TSHZ3: variants seen among roughly 807,000 people sequenced by gnomAD.
TSHZ3 encodes the protein teashirt zinc finger homeobox 3.
Under a neutral mutation model 64.5 loss-of-function variants are expected in TSHZ3, and 10 were observed. The observed-to-expected ratio is 0.16, with a 90% CI of 0.10 to 0.26. TSHZ3 has a LOEUF of 0.26. TSHZ3 is among the 10% of genes least tolerant of loss of function. The pLI, the probability that TSHZ3 is intolerant of heterozygous loss-of-function variation, is 1.00. For synonymous variants in TSHZ3, 608 were observed against 593.1 expected, an observed-to-expected ratio of 1.03 and a Z score of -0.36; for missense variants, 1,242 against 1,421.7, an observed-to-expected ratio of 0.87 and a Z score of 2.03.
chr19:31,319,700 A>G (rs758968796), intron 1 of TSHZ3, among the ~76,000 whole-genome samples: 3 of 152,202 alleles, frequency 2.0e-5, no homozygotes, highest in Non-Finnish European at 4.4e-5. Context: ...AATAACCACC[A>G]TGACAACGGT....
chr19:31,175,529 G>T (rs974064217), intron 5 of TSHZ3, among the ~76,000 whole-genome samples: 3 of 152,200 alleles, frequency 2.0e-5, no homozygotes, highest in Non-Finnish European at 4.4e-5. Context: ...AGAGGTTCTG[G>T]TAGAGTTGAG....
chr19:31,321,258 G>T (rs947030488), intron 1 of TSHZ3, among the ~76,000 whole-genome samples: 5 of 152,180 alleles, frequency 3.3e-5, no homozygotes, highest in Admixed American at 1.3e-4. Context: ...TAATGACAGT[G>T]CTGAGAAGGC....
At chr19:31,243,677 G>A (rs955390547) in intron 1 of TSHZ3, among the ~76,000 whole-genome samples, 1 of 152,116 alleles carries the variant, frequency 6.6e-6, no homozygotes, top group Non-Finnish European at 1.5e-5. Flanking sequence ...CGGGGGCTCC[G>A]TGCCTCCCCT....
At chr19:31,241,407 T>A (rs1202262691) in intron 3 of TSHZ3, among the ~76,000 whole-genome samples, 1 of 152,240 alleles carries the variant, frequency 6.6e-6, no homozygotes, top group Admixed American at 6.5e-5. Flanking sequence ...GCTCAAGAGA[T>A]CTCTTCACTC....
At chr19:31,199,400 C>CAAAAAAAAAAAAAAAAAAA (rs61428496) in intron 5 of TSHZ3, among the ~76,000 whole-genome samples, 1 of 98,594 alleles carries the variant, frequency 1.0e-5, no homozygotes, top group East Asian at 2.9e-4. Flanking sequence ...GAGACTCCGC[C>CAAAAAAAAAAAAAAAAAAA]AAAAAAAAAA....
At chr19:31,300,237 G>A (rs1230257902) in intron 1 of TSHZ3, among the ~76,000 whole-genome samples, 1 of 152,136 alleles carries the variant, frequency 6.6e-6, no homozygotes, top group Non-Finnish European at 1.5e-5. Flanking sequence ...TCTAACCCTT[G>A]TCACTGGCCA....
chr19:31,313,070 G>A (rs781117063), intron 1 of TSHZ3, among the ~76,000 whole-genome samples: 3 of 152,166 alleles, frequency 2.0e-5, no homozygotes, highest in Admixed American at 6.5e-5. Context: ...ATGCAGAAAC[G>A]TCAAACAGCA....
chr19:31,272,966 C>T (rs778305015), downstream of TSHZ3, among the ~76,000 whole-genome samples: 23 of 152,252 alleles, frequency 1.5e-4, no homozygotes, highest in African/African-American at 3.4e-4. Context: ...TTCACTCTCT[C>T]GCAACAGCAA....
rs75032431 is a variant in TSHZ3 at position 31,249,116 on chromosome 19, C to T, written n.64-6241G>A. Among the ~76,000 whole-genome samples the T allele has an allele frequency of 6.1e-3, 920 of 151,860 alleles. 12 individuals are homozygous for T. The highest frequency in any genetic ancestry group is 0.021 in the African/African-American group (876 of 41,400). Reference sequence around the variant, plus strand: ...AGGTGAGGGCCTCAAGTACCTGAGACGCTAAGAGTAAGCACAGAGTGGGTG... The same window carrying T: ...AGGTGAGGGCCTCAAGTACCTGAGATGCTAAGAGTAAGCACAGAGTGGGTG... On this transcript the variant is annotated intron_variant and non_coding_transcript_variant, in intron 1 of 6. Transcript: ENST00000651361.
chr19:31,293,354 C>T (rs1275659324), intron 1 of TSHZ3, among the ~76,000 whole-genome samples: 2 of 152,168 alleles, frequency 1.3e-5, no homozygotes, highest in Non-Finnish European at 2.9e-5. Flanking sequence ...TGTCTTAGCT[C>T]GATATTCAAA....
downstream of TSHZ3, among the ~76,000 whole-genome samples, chr19:31,271,670 G>C (rs1250569377): frequency 1.3e-5 from 2 of 152,280 alleles, no homozygotes; most frequent in South Asian, 2.1e-4. Flanking sequence ...TGTGTTTTCT[G>C]AGGTCAGCTG....
chr19:31,215,679 T>A (rs1333104683), intron 4 of TSHZ3, among the ~76,000 whole-genome samples: 5 of 152,208 alleles, frequency 3.3e-5, no homozygotes, highest in African/African-American at 4.8e-5. Context: ...AAGACCAGCC[T>A]GACCAACATG....
At chr19:31,154,425 C>T (rs963265638) in intron 6 of TSHZ3, among the ~76,000 whole-genome samples, 9 of 152,198 alleles carry the variant, frequency 5.9e-5, no homozygotes, top group Non-Finnish European at 1.3e-4. Context: ...CAAGCCAGGA[C>T]ATCTGTCCTT....
intron 1 of TSHZ3, among the ~76,000 whole-genome samples, chr19:31,296,461 A>G (rs1976663650): frequency 6.7e-6 from 1 of 150,190 alleles, no homozygotes; most frequent in African/African-American, 2.5e-5. Flanking sequence ...CAGCCTCCCG[A>G]GTAGCTGGGA....
At chr19:31,346,653 T>C (rs1241852756) in intron 1 of TSHZ3, among the ~76,000 whole-genome samples, 1 of 152,180 alleles carries the variant, frequency 6.6e-6, no homozygotes, top group Admixed American at 6.5e-5. Context: ...TCTCTCTCTC[T>C]ATCAGTACAA....
chr19:31,277,419 A>G lies in TSHZ3; in HGVS notation c.2374T>C (p.Leu792=). 1 of 1,613,790 alleles carries G rather than the reference A, an allele frequency of 6.2e-7. No individual in the cohort carries two copies. The highest frequency in any genetic ancestry group is 2.2e-5 in the East Asian group (1 of 44,828). Residue 792 remains leucine (L), a synonymous_variant, in exon 2 of 2, where the codon TTG becomes CTG. Coordinates refer to ENST00000240587, the MANE Select transcript of TSHZ3 (RefSeq NM_020856.4). The surrounding 1 kb of genome is among the most constrained non-coding windows in gnomAD (Gnocchi z 4.5). ...YHVNNDQPID[L]TKGKSDKGCS... ...CCTTTGTCACTCTTCCCTTTTGTCA[A>G]GTCTATGGGCTGGTCGTTGTTGACG...
At chr19:31,259,497 G>A (rs1046961230) in intron 1 of TSHZ3, among the ~76,000 whole-genome samples, 2 of 152,068 alleles carry the variant, frequency 1.3e-5, no homozygotes, top group Non-Finnish European at 1.5e-5. Context: ...GTCGAAGCAT[G>A]CGTCTGAGAA....
intron 5 of TSHZ3, among the ~76,000 whole-genome samples, chr19:31,189,606 C>T (rs1407022317): frequency 6.6e-6 from 1 of 151,120 alleles, no homozygotes. Flanking sequence ...AGAAAAAACT[C>T]TGTTTTAAAT....
chr19:31,201,663 C>G (rs561801399), intron 5 of TSHZ3, among the ~76,000 whole-genome samples: 1 of 152,134 alleles, frequency 6.6e-6, no homozygotes, highest in Admixed American at 6.5e-5. Context: ...GTGGGCTTCA[C>G]GAGTGGCCGC....
Sources: allele counts gnomAD v4.1 joint callset (sites outside exome capture counted in the v4.1 genomes callset), GRCh38; gene constraint gnomAD v4.1.1; non-coding constraint Gnocchi (gnomAD v3.1); transcripts MANE v1.5; gene names NCBI Gene and HGNC (gene_info 2026-07-23, HGNC 2026-07-21).